The following RFC3 variants were observed in gnomAD, a reference collection of about 807,000 sequenced individuals.
The protein encoded by RFC3 is replication factor C subunit 3.
A neutral mutation model predicts 45.1 loss-of-function variants in RFC3; 41 were observed. The ratio of observed to expected loss-of-function variants is 0.91; its 90% confidence interval spans 0.71 to 1.18. The LOEUF is 1.18. Among genes scored for constraint, RFC3 ranks in the 50% most tolerant of loss-of-function variants. The pLI, the probability that RFC3 is intolerant of heterozygous loss-of-function variation, is 0.00. For synonymous variants in RFC3, 149 were observed against 144.0 expected, an observed-to-expected ratio of 1.03 and a Z score of -0.25; for missense variants, 423 against 428.1, an observed-to-expected ratio of 0.99 and a Z score of 0.10.
chr13:33,908,607 TACACAC>T (rs71074991), intron 8 of RFC3, among the ~76,000 whole-genome samples: 31,145 of 142,350 alleles, frequency 0.22, 3,709 homozygotes, highest in South Asian at 0.35. Flanking sequence ...ACACAGGAGA[TACACAC>T]ACACACACAC....
chr13:33,839,830 G>GTT (rs1326791825), downstream of RFC3, among the ~76,000 whole-genome samples: 1 of 152,128 alleles, frequency 6.6e-6, no homozygotes, highest in African/African-American at 2.4e-5. Context: ...AAATGTCTTT[G>GTT]TTTTGCATTC....
intron 8 of RFC3, among the ~76,000 whole-genome samples, chr13:33,893,950 G>T (rs1214546917): frequency 1.3e-5 from 2 of 152,076 alleles, no homozygotes; most frequent in African/African-American, 2.4e-5. Flanking sequence ...GAGTAGAAAG[G>T]TTATTGAAAG....
intron 8 of RFC3, among the ~76,000 whole-genome samples, chr13:33,913,508 A>G (rs1170571669): frequency 1.3e-5 from 2 of 152,272 alleles, no homozygotes; most frequent in South Asian, 2.1e-4. Context: ...AGCTAAAAAC[A>G]TGGACTTTTG....
chr13:33,960,096 G>A (rs1263083924), intron 8 of RFC3, among the ~76,000 whole-genome samples: 1 of 152,038 alleles, frequency 6.6e-6, no homozygotes, highest in African/African-American at 2.4e-5. Context: ...CCATTCATGA[G>A]AAATCCACCC....
chr13:33,821,265 T>C lies in RFC3; in HGVS notation c.221T>C (p.Ile74Thr). 1 of 1,613,292 alleles carries C rather than the reference T, an allele frequency of 6.2e-7. No homozygotes were observed. The highest frequency in any genetic ancestry group is 1.1e-5 in the South Asian group (1 of 91,048). Residue 74 changes from isoleucine (I) to threonine (T), a missense_variant, in exon 2 of 9, where the codon ATC becomes ACC. Ile to Thr is a moderately conservative substitution (Grantham distance 89). Transcript: ENST00000380071. ...AAATTGAGAATTGAACATCAGACCA[T>C]CACAGTAAGCATTTCACTTTGAGGC... is the stretch of plus-strand genomic sequence containing the variant. ...VEKLRIEHQT[I>T]TTPSKKKIEI...
At chr13:33,975,908 A>G in the RFC3 span, among the ~76,000 whole-genome samples, 1 of 152,238 alleles carries the variant, frequency 6.6e-6, no homozygotes, top group Non-Finnish European at 1.5e-5. Context: ...TTCTGGGAGC[A>G]GAGAGCCTAC....
At chr13:33,838,064 A>C (rs2082171119), downstream of RFC3, among the ~76,000 whole-genome samples, 1 of 152,066 alleles carries the variant, frequency 6.6e-6, no homozygotes, top group African/African-American at 2.4e-5. Flanking sequence ...ACTGAGAGAA[A>C]TATTGAAATC....
chr13:33,872,926 A>G (rs78401122), intron 8 of RFC3, among the ~76,000 whole-genome samples: 16,044 of 151,346 alleles, frequency 0.11, 1,684 homozygotes, highest in African/African-American at 0.25. Context: ...TTGGGCTTGT[A>G]TGTTTCCTCT....
intron 5 of RFC3, 113 bp downstream of exon 5, chr13:33,830,130 TG>T: frequency 1.1e-6 from 1 of 877,488 alleles, no homozygotes; most frequent in Admixed American, 2.5e-5. Context: ...CCTACAGACC[TG>T]GATGCAAAGC....
chr13:33,927,101 C>T (rs2082818747), intron 8 of RFC3, among the ~76,000 whole-genome samples: 1 of 151,882 alleles, frequency 6.6e-6, no homozygotes, highest in African/African-American at 2.4e-5. Context: ...TCACCCAATC[C>T]TTGACCTTCC....
chr13:33,825,182 T>A (rs771241558), intron 3 of RFC3, among the ~76,000 whole-genome samples: 14 of 152,174 alleles, frequency 9.2e-5, no homozygotes, highest in African/African-American at 2.4e-5. Flanking sequence ...TTGACTGAAG[T>A]GCCAAAGCAA....
intron 8 of RFC3, among the ~76,000 whole-genome samples, chr13:33,960,859 G>T (rs2083052499): frequency 6.6e-6 from 1 of 152,130 alleles, no homozygotes; most frequent in Admixed American, 6.5e-5. Context: ...AATGATCTCT[G>T]GTGCTTTTGG....
chr13:33,884,101 T>A (rs995669160), intron 8 of RFC3, among the ~76,000 whole-genome samples: 2 of 152,172 alleles, frequency 1.3e-5, no homozygotes, highest in African/African-American at 2.4e-5. Context: ...AAATGGATAA[T>A]TAGCATGATC....
chr13:33,929,173 A>G lies in RFC3; in HGVS notation c.880-36914A>G, dbSNP rs371513607. On this transcript the variant is annotated intron_variant, in intron 8 of 8. Coordinates refer to the RFC3 transcript ENST00000434425. ...ACGAAAGGTAAAGGAAGTCTGACAG[A>G]CATTCCCAGTCATGAGGAAATTATC... is the stretch of plus-strand genomic sequence containing the variant. 1.1e-4 allele frequency among the ~76,000 whole-genome samples: 16 copies of G among 152,262 alleles called. No individual in the cohort carries two copies. In the East Asian group the frequency reaches 3.1e-3, roughly 29 times the overall value.
intron 8 of RFC3, among the ~76,000 whole-genome samples, chr13:33,949,369 C>T (rs2082974633): frequency 6.6e-6 from 1 of 152,188 alleles, no homozygotes; most frequent in Non-Finnish European, 1.5e-5. Flanking sequence ...ATTACCCAGT[C>T]TCAGGCAGTT....
At chr13:33,939,087 T>G (rs1414110277) in intron 8 of RFC3, among the ~76,000 whole-genome samples, 1 of 152,158 alleles carries the variant, frequency 6.6e-6, no homozygotes, top group Non-Finnish European at 1.5e-5. Context: ...TGCTAAGGTG[T>G]TTTGCCTATT....
intron 7 of RFC3, among the ~76,000 whole-genome samples, chr13:33,833,347 G>A (rs1263369090): frequency 2.0e-5 from 3 of 151,542 alleles, no homozygotes; most frequent in African/African-American, 7.3e-5. Context: ...ACACCTATGA[G>A]AAAAATATTA....
intron 8 of RFC3, among the ~76,000 whole-genome samples, chr13:33,896,697 G>A (rs2082600949): frequency 2.1e-5 from 2 of 94,928 alleles, no homozygotes; most frequent in African/African-American, 7.8e-5. Flanking sequence ...GGGCAACAGA[G>A]TAAGACTTTG....
At chr13:33,903,123 C>G (rs1160315924) in intron 8 of RFC3, among the ~76,000 whole-genome samples, 1 of 152,048 alleles carries the variant, frequency 6.6e-6, no homozygotes, top group Non-Finnish European at 1.5e-5. Flanking sequence ...AATCCAACCC[C>G]TGCCAAGCTC....
Sources: allele counts gnomAD v4.1 joint callset (sites outside exome capture counted in the v4.1 genomes callset), GRCh38; gene constraint gnomAD v4.1.1; transcripts MANE v1.5; gene names NCBI Gene and HGNC (gene_info 2026-07-23, HGNC 2026-07-21).